Variants in MARVELD2 observed in about 807,000 individuals in gnomAD.
MARVELD2 encodes the protein MARVEL domain containing 2, also known as MARVEL domain-containing protein 2.
Under a neutral mutation model 57.6 loss-of-function variants are expected in MARVELD2, and 49 were observed. The ratio of observed to expected loss-of-function variants is 0.85; its 90% CI spans 0.68 to 1.08. The LOEUF (loss-of-function observed/expected upper bound fraction) is 1.08, where lower values mean the gene tolerates loss of function less well. Among genes scored for constraint, MARVELD2 ranks in the 50% least tolerant of loss-of-function variants. MARVELD2 has a pLI of 0.00. For synonymous variants in MARVELD2, 238 were observed against 258.8 expected, an observed-to-expected ratio of 0.92 and a Z score of 0.77; for missense variants, 606 against 701.1, an observed-to-expected ratio of 0.86 and a Z score of 1.53.
intron 2 of MARVELD2, among the ~76,000 whole-genome samples, chr5:69,422,242 C>A (rs187274213): frequency 2.0e-5 from 3 of 152,304 alleles, no homozygotes; most frequent in African/African-American, 7.2e-5. Flanking sequence ...GTTCAGGGAA[C>A]AAGGGAGATA....
intron 1 of MARVELD2, 176 bp downstream of exon 1, chr5:69,415,346 G>A (rs936887863): frequency 1.7e-4 from 26 of 152,098 alleles, no homozygotes; most frequent in African/African-American, 6.3e-4. Flanking sequence ...TTCGCTCTGC[G>A]GACGCAGGTG....
At chr5:69,438,346 C>G (rs1257247094) in intron 5 of MARVELD2, among the ~76,000 whole-genome samples, 1 of 152,180 alleles carries the variant, frequency 6.6e-6, no homozygotes, top group Non-Finnish European at 1.5e-5. Context: ...TATTCCTTGT[C>G]CAGGATCTGT....
At chr5:69,415,806 A>T (rs2150908821) in intron 1 of MARVELD2, 1 of 152,384 alleles carries the variant, frequency 6.6e-6, no homozygotes, top group African/African-American at 2.4e-5. Context: ...TTCTCCTGCC[A>T]TTGCCGCGGC....
At chr5:69,433,122 C>T in intron 5 of MARVELD2, 29 bp downstream of exon 5, 3 of 1,511,924 alleles carry the variant, frequency 2.0e-6, no homozygotes, top group Non-Finnish European at 2.7e-6. Context: ...CTAGGAGGAG[C>T]ACTGAAATCT....
intron 3 of MARVELD2, among the ~76,000 whole-genome samples, chr5:69,427,863 G>A (rs1041313141): frequency 6.6e-6 from 1 of 152,212 alleles, no homozygotes; most frequent in African/African-American, 2.4e-5. Context: ...TGTAATCCGA[G>A]CACTTTGGGA....
chr5:69,424,714 G>A (rs374930206), intron 3 of MARVELD2, 78 bp downstream of exon 3: 59 of 1,134,304 alleles, frequency 5.2e-5, no homozygotes, highest in African/African-American at 1.0e-4. Flanking sequence ...CTACATAGTA[G>A]TATCGTACAT....
Position 69,420,356 on chromosome 5 carries a change from C to G in MARVELD2, c.971C>G (p.Pro324Arg), listed in dbSNP as rs766928397. 6.2e-7 allele frequency: 1 copy of G among 1,614,150 alleles called. No individual in the cohort carries two copies. The highest frequency in any genetic ancestry group is 1.7e-5 in the Admixed American group (1 of 60,022). ...AACCGAGGTGGCCTCTGCTACTATC[C>G]GTTATTTAATACACCAGTGAATGCA... is the stretch of plus-strand genomic sequence containing the variant. ...DTNRGGLCYY[P>R]LFNTPVNAVF... The change falls in exon 2 of 7, where the codon CCG becomes CGG. Residue 324 changes from proline (P) to arginine (R), a missense_variant. Transcript: ENST00000325631.
intron 3 of MARVELD2, among the ~76,000 whole-genome samples, chr5:69,431,117 CTTT>C (rs1316832807): frequency 2.3e-5 from 3 of 132,712 alleles, no homozygotes. Context: ...CTTTTCTTTT[CTTT>C]TTTTTTTTTT....
At chr5:69,434,365 G>T (rs1767068475) in intron 5 of MARVELD2, among the ~76,000 whole-genome samples, 1 of 151,832 alleles carries the variant, frequency 6.6e-6, no homozygotes, top group African/African-American at 2.4e-5. Flanking sequence ...AGGCTGAGGT[G>T]CAAGGATTGC....
At chr5:69,434,221 T>G (rs1297025040) in intron 5 of MARVELD2, among the ~76,000 whole-genome samples, 1 of 151,940 alleles carries the variant, frequency 6.6e-6, no homozygotes, top group East Asian at 1.9e-4. Flanking sequence ...CCCAACACTT[T>G]AAGAGGCCAA....
At position 69,419,511 on chromosome 5, in the gene MARVELD2, C is replaced by T. The variant is rs777927237; in HGVS notation, c.126C>T (p.Ser42=). 29 of 1,613,998 alleles carry T rather than the reference C, an allele frequency of 1.8e-5. No individual in the cohort carries two copies. The highest frequency in any genetic ancestry group is 4.0e-5 in the African/African-American group (3 of 74,894). Residue 42 remains serine, a synonymous_variant, in exon 2 of 7, where the codon AGC becomes AGT. Coordinates refer to ENST00000325631, the MANE Select transcript of MARVELD2 (RefSeq NM_001038603.3). The part of the protein sequence containing the change: ...PTLHDSERAV[S]ADPLPPPPLP... Reference sequence around the variant, plus strand: ...TTCATGACAGTGAGCGGGCAGTGAGCGCTGATCCCTTGCCACCACCCCCTC... The same window carrying T: ...TTCATGACAGTGAGCGGGCAGTGAGTGCTGATCCCTTGCCACCACCCCCTC...
intron 5 of MARVELD2, 114 bp downstream of exon 5, chr5:69,433,207 G>A: frequency 9.1e-7 from 1 of 1,095,768 alleles, no homozygotes; most frequent in Non-Finnish European, 1.3e-6. Context: ...TCTGTTGCCA[G>A]GCTGGAGTGC....
rs758923808 is a variant in MARVELD2 at position 69,440,431 on chromosome 5, T to C, written c.1504-19T>C. On this transcript the variant is annotated intron_variant, in intron 5 of 6. Coordinates refer to ENST00000325631, the MANE Select transcript of MARVELD2 (RefSeq NM_001038603.3). Reference sequence around the variant, plus strand: ...AAATGCAAATGTTTTAACTTAAGTATACAATGTATTATTTTTAGGAACATG... The same window carrying C: ...AAATGCAAATGTTTTAACTTAAGTACACAATGTATTATTTTTAGGAACATG... 1.3e-5 allele frequency: 16 copies of C among 1,195,580 alleles called. No homozygotes were observed. The South Asian group carries it at 2.0e-4, about 15-fold the overall frequency. The allele number at this position is 1,195,580 out of a possible 1,614,324, so 74.1% of individuals were successfully genotyped here. A position where few individuals can be genotyped will look rare whatever the true frequency, so the allele number is the denominator to read the frequency against.
At chr5:69,439,037 T>C (rs1377392500) in intron 5 of MARVELD2, among the ~76,000 whole-genome samples, 2 of 140,606 alleles carry the variant, frequency 1.4e-5, no homozygotes, top group Non-Finnish European at 3.0e-5. Context: ...CCTTCCAGCT[T>C]GGGCAACAGA....
chr5:69,421,016 T>C (rs1766612445), intron 2 of MARVELD2, among the ~76,000 whole-genome samples: 2 of 152,060 alleles, frequency 1.3e-5, no homozygotes, highest in Non-Finnish European at 2.9e-5. Context: ...CCATGTTTGA[T>C]TTTTTTTAAG....
intron 2 of MARVELD2, among the ~76,000 whole-genome samples, chr5:69,420,853 A>C (rs1231984212): frequency 6.6e-6 from 1 of 152,208 alleles, no homozygotes; most frequent in African/African-American, 2.4e-5. Context: ...GAATTTTTGC[A>C]AAGAAGAAGA....
chr5:69,436,048 T>G (rs1292265355), intron 5 of MARVELD2, among the ~76,000 whole-genome samples: 1 of 152,196 alleles, frequency 6.6e-6, no homozygotes, highest in East Asian at 1.9e-4. Flanking sequence ...AGATAGACAT[T>G]TGGTCATTTC....
At position 69,419,994 on chromosome 5, in the gene MARVELD2, GGGGGCCGGTGTCT is replaced by G. The variant is rs1561290695; in HGVS notation, c.610_622del (p.Gly204LeufsTer55). 3 of 1,614,142 alleles carry G rather than the reference GGGGGCCGGTGTCT, an allele frequency of 1.9e-6. No homozygotes were observed. The highest frequency in any genetic ancestry group is 2.5e-6 in the Non-Finnish European group (3 of 1,180,034). ...TACTGGGTGTGGTGGAGCTGCTTTT[GGGGGCCGGTGTCT>G]TTGCTTGTGTCACAGCTTACATTCA... On this transcript the variant is annotated frameshift_variant, in exon 2 of 7. Coordinates refer to ENST00000325631, the MANE Select transcript of MARVELD2 (RefSeq NM_001038603.3). LOFTEE classifies it high-confidence loss of function.
intron 5 of MARVELD2, among the ~76,000 whole-genome samples, chr5:69,437,258 G>A (rs1767177043): frequency 6.6e-6 from 1 of 151,142 alleles, no homozygotes; most frequent in South Asian, 2.1e-4. Context: ...GTGCATGTGT[G>A]TAATCCCAGC....
Sources: allele counts gnomAD v4.1 joint callset (sites outside exome capture counted in the v4.1 genomes callset), GRCh38; gene constraint gnomAD v4.1.1; transcripts MANE v1.5; gene names NCBI Gene and HGNC (gene_info 2026-07-23, HGNC 2026-07-21).